The following GRM8 variants were observed in gnomAD, a reference collection of about 807,000 sequenced individuals.
The protein encoded by GRM8 is glutamate metabotropic receptor 8, also known as metabotropic glutamate receptor 8.
Under a neutral mutation model 87.2 loss-of-function variants are expected in GRM8, and 47 were observed. That is an observed-to-expected ratio of 0.54 (90% confidence interval 0.43 to 0.69). The LOEUF (loss-of-function observed/expected upper bound fraction) is 0.69. Among genes scored for constraint, GRM8 ranks in the 30% least tolerant of loss-of-function variants. The pLI is 0.00. For synonymous variants in GRM8, 396 were observed against 404.5 expected, an observed-to-expected ratio of 0.98 and a Z score of 0.25; for missense variants, 1,019 against 1,139.2, an observed-to-expected ratio of 0.89 and a Z score of 1.52.
intron 3 of GRM8, among the ~76,000 whole-genome samples, chr7:126,956,666 G>A (rs963172656): frequency 6.6e-6 from 1 of 152,096 alleles, no homozygotes; most frequent in African/African-American, 2.4e-5. Context: ...GAACTGAAGA[G>A]GCTACAACTT....
chr7:126,816,740 G>GTGTGTGTA (rs1793819739), intron 6 of GRM8, among the ~76,000 whole-genome samples: 1 of 143,244 alleles, frequency 7.0e-6, no homozygotes. Context: ...TTTTGTGTGT[G>GTGTGTGTA]TGTGTGTGTG....
chr7:126,498,481 T>G, intron 9 of GRM8, among the ~76,000 whole-genome samples: 1 of 151,948 alleles, frequency 6.6e-6, no homozygotes, highest in East Asian at 1.9e-4. Context: ...CAGGGTACCA[T>G]TTTAATAGAC....
At chr7:127,003,177 G>T (rs1224040080) in intron 3 of GRM8, among the ~76,000 whole-genome samples, 1 of 151,674 alleles carries the variant, frequency 6.6e-6, no homozygotes, top group Non-Finnish European at 1.5e-5. Flanking sequence ...TCAACAAGTT[G>T]TCCCTCATGA....
chr7:126,784,260 C>CA (rs894186123), intron 6 of GRM8, among the ~76,000 whole-genome samples: 6 of 150,390 alleles, frequency 4.0e-5, no homozygotes, highest in African/African-American at 9.7e-5. Context: ...TGTACAAAAA[C>CA]AAAAAAAAAT....
chr7:127,083,240 T>C (rs1823066916), intron 3 of GRM8, among the ~76,000 whole-genome samples: 1 of 152,178 alleles, frequency 6.6e-6, no homozygotes, highest in Non-Finnish European at 1.5e-5. Context: ...AATATAATTA[T>C]TCACCTAGGT....
At chr7:126,772,041 G>A (rs571498833) in intron 6 of GRM8, among the ~76,000 whole-genome samples, 2 of 152,158 alleles carry the variant, frequency 1.3e-5, no homozygotes, top group East Asian at 3.9e-4. Context: ...TTCCACTTCT[G>A]CCTAAAATTT....
At position 126,750,296 on chromosome 7, in the gene GRM8, G is replaced by C. The variant is rs372866603; in HGVS notation, c.1357+19569C>G. ...AAATCTACTGATAGAAAGCAAATCA[G>C]TGATTTCTAAGAAATGGGATTCAGG... On this transcript the variant is annotated intron_variant, in intron 7 of 10. Transcript: ENST00000339582. 4.1e-4 allele frequency among the ~76,000 whole-genome samples: 63 copies of C among 152,174 alleles called. No homozygotes were observed. The South Asian group carries it at 0.013, about 30-fold the overall frequency.
intron 3 of GRM8, among the ~76,000 whole-genome samples, chr7:126,912,085 T>C (rs1217344964): frequency 6.6e-6 from 1 of 152,028 alleles, no homozygotes; most frequent in African/African-American, 2.4e-5. Context: ...TAGTCCCAGC[T>C]ACTTGGGAGG....
chr7:127,011,213 A>T (rs573748346), intron 3 of GRM8, among the ~76,000 whole-genome samples: 21 of 152,138 alleles, frequency 1.4e-4, no homozygotes, highest in Non-Finnish European at 2.9e-4. Context: ...ATACTTACGA[A>T]ATTGGACACC....
intron 3 of GRM8, among the ~76,000 whole-genome samples, chr7:127,020,278 T>C (rs1182797623): frequency 6.6e-6 from 1 of 152,070 alleles, no homozygotes; most frequent in African/African-American, 2.4e-5. Flanking sequence ...ACAGTGTGGG[T>C]CATATGCCTG....
chr7:126,798,206 G>T (rs1822209424), intron 6 of GRM8, among the ~76,000 whole-genome samples: 1 of 151,738 alleles, frequency 6.6e-6, no homozygotes, highest in African/African-American at 2.4e-5. Flanking sequence ...CCTTCATAGG[G>T]GCAAAGAGAA....
chr7:126,814,130 C>G (rs977661412), intron 6 of GRM8, among the ~76,000 whole-genome samples: 3 of 151,978 alleles, frequency 2.0e-5, no homozygotes, highest in Admixed American at 2.0e-4. Flanking sequence ...TGGACACCAC[C>G]TACAGTATTA....
chr7:127,102,268 G>A (rs1027019794), intron 3 of GRM8, among the ~76,000 whole-genome samples: 19 of 152,214 alleles, frequency 1.2e-4, no homozygotes, highest in African/African-American at 4.3e-4. Flanking sequence ...TCCTAGCCAT[G>A]GGGCAGAGAA....
At chr7:126,507,280 T>C (rs1810630728) in intron 9 of GRM8, among the ~76,000 whole-genome samples, 1 of 152,116 alleles carries the variant, frequency 6.6e-6, no homozygotes, top group Non-Finnish European at 1.5e-5. Flanking sequence ...CCCAGCTCTG[T>C]CACTCACCTA....
At chr7:126,729,224 A>T (rs978690700) in intron 7 of GRM8, among the ~76,000 whole-genome samples, 24 of 152,012 alleles carry the variant, frequency 1.6e-4, no homozygotes, top group African/African-American at 5.6e-4. Flanking sequence ...CTCCTCAGTC[A>T]CCATTCCAGA....
intron 2 of GRM8, among the ~76,000 whole-genome samples, chr7:127,240,599 A>T (rs1475602616): frequency 1.3e-5 from 2 of 152,190 alleles, no homozygotes; most frequent in Non-Finnish European, 2.9e-5. Context: ...GTTTATAAGG[A>T]GAGGGAAACC....
At chr7:127,046,014 A>G (rs957293251) in intron 3 of GRM8, among the ~76,000 whole-genome samples, 4 of 152,236 alleles carry the variant, frequency 2.6e-5, no homozygotes, top group Admixed American at 2.6e-4. Context: ...AACATCCCAC[A>G]TATCTAAATA....
At chr7:127,052,968 C>A (rs1300801956) in intron 3 of GRM8, among the ~76,000 whole-genome samples, 2 of 152,070 alleles carry the variant, frequency 1.3e-5, no homozygotes, top group East Asian at 1.9e-4. Context: ...TTATTTACTA[C>A]AAAATATTTC....
intron 6 of GRM8, among the ~76,000 whole-genome samples, chr7:126,807,027 G>A (rs1034645778): frequency 2.6e-5 from 4 of 152,224 alleles, no homozygotes; most frequent in African/African-American, 7.2e-5. Context: ...GAGAGTGAGC[G>A]AGGGCTGCTA....
Sources: allele counts gnomAD v4.1 joint callset (sites outside exome capture counted in the v4.1 genomes callset), GRCh38; gene constraint gnomAD v4.1.1; transcripts MANE v1.5; gene names NCBI Gene and HGNC (gene_info 2026-07-23, HGNC 2026-07-21).